Variants in FAM193A observed in about 807,000 individuals in gnomAD.
FAM193A encodes protein FAM193A.
Under a neutral mutation model 126.5 loss-of-function variants are expected in FAM193A, and 22 were observed. The ratio of observed to expected loss-of-function variants is 0.17; its 90% confidence interval spans 0.12 to 0.25. The LOEUF (loss-of-function observed/expected upper bound fraction) is 0.25, where lower values mean the gene tolerates loss of function less well. FAM193A is among the 10% of genes least tolerant of loss of function. The pLI is 1.00. For missense variants in FAM193A, 1,675 were observed against 1,672.8 expected, an observed-to-expected ratio of 1.00 and a Z score of -0.02; for synonymous variants, 761 against 646.8, an observed-to-expected ratio of 1.18 and a Z score of -2.68.
intron 10 of FAM193A, 105 bp downstream of exon 10, chr4:2,660,159 T>C: frequency 2.3e-6 from 3 of 1,287,466 alleles, no homozygotes; most frequent in Non-Finnish European, 2.1e-6. Flanking sequence ...TATTGTGCTT[T>C]TCATGACAAG....
intron 1 of FAM193A, among the ~76,000 whole-genome samples, chr4:2,567,106 ATT>A (rs570577167): frequency 8.7e-5 from 12 of 137,868 alleles, no homozygotes; most frequent in Non-Finnish European, 7.9e-5. Flanking sequence ...TGCCCGGCTC[ATT>A]TTTTTTTTTT....
chr4:2,613,765 T>C (rs1408765519), intron 2 of FAM193A, among the ~76,000 whole-genome samples: 7 of 96,196 alleles, frequency 7.3e-5, no homozygotes, highest in Non-Finnish European at 1.4e-4. Flanking sequence ...TTTTTTTTTT[T>C]TTCTTTTTCT....
intron 4 of FAM193A, among the ~76,000 whole-genome samples, chr4:2,629,853 C>T (rs1743365544): frequency 6.6e-6 from 1 of 152,078 alleles, no homozygotes; most frequent in Admixed American, 6.5e-5. Context: ...CATTATCGGC[C>T]GGGTGCGGTG....
chr4:2,565,226 A>C (rs1348407121), intron 1 of FAM193A, among the ~76,000 whole-genome samples: 1 of 147,862 alleles, frequency 6.8e-6, no homozygotes, highest in South Asian at 2.1e-4. Flanking sequence ...TTTGTGGGAA[A>C]ACTGGATATA....
intron 1 of FAM193A, among the ~76,000 whole-genome samples, chr4:2,579,709 CA>C (rs551107178): frequency 7.2e-6 from 1 of 139,596 alleles, no homozygotes; most frequent in South Asian, 2.2e-4. Context: ...AAAAACAAAA[CA>C]AAAAAAAACA....
chr4:2,696,715 T>C lies in FAM193A; in HGVS notation c.3507+122T>C, dbSNP rs956223464. 4 of 683,568 alleles carry C rather than the reference T, an allele frequency of 5.9e-6. No individual in the cohort carries two copies. In the Admixed American group the frequency reaches 1.1e-4, roughly 19 times the overall value. 42.3% of individuals were successfully genotyped at this position (683,568 alleles called of 1,614,324 possible). Reference sequence around the variant, plus strand: ...GTCGGGGCTCTGACGTGTGTTCACTTGCCCACAACTTTGTTCTGAGAGCCA... The same window carrying C: ...GTCGGGGCTCTGACGTGTGTTCACTCGCCCACAACTTTGTTCTGAGAGCCA... On this transcript the variant is annotated intron_variant, in intron 18 of 20. Transcript: ENST00000637812.
rs1361178917 is a variant in FAM193A at position 2,596,301 on chromosome 4, A to C, written c.473A>C (p.Glu158Ala). 1.4e-6 allele frequency: 1 copy of C among 702,726 alleles called. No individual in the cohort carries two copies. The highest frequency in any genetic ancestry group is 2.6e-6 in the Non-Finnish European group (1 of 385,018). 43.5% of individuals were successfully genotyped at this position (702,726 alleles called of 1,614,324 possible). The change falls in exon 2 of 21, where the codon GAG becomes GCG. Residue 158 changes from glutamate to alanine, a missense_variant. Coordinates refer to ENST00000637812, the MANE Select transcript of FAM193A (RefSeq NM_001366318.2). ...TGCCGCAGGACCGTGGAGAAGGAGGAGAGGCATGGCGGCCTTGACCAGCCA... is the reference window on the plus strand; with the variant it reads ...TGCCGCAGGACCGTGGAGAAGGAGGCGAGGCATGGCGGCCTTGACCAGCCA... The part of the protein sequence containing the change: ...PDCRRTVEKE[E>A]RHGGLDQPVS...
At chr4:2,680,328 CT>C (rs982495980) in intron 13 of FAM193A, among the ~76,000 whole-genome samples, 3 of 151,928 alleles carry the variant, frequency 2.0e-5, no homozygotes, top group Non-Finnish European at 4.4e-5. Context: ...GTAATACTTT[CT>C]TTTTTCTTTG....
chr4:2,693,533 T>G, intron 15 of FAM193A, 53 bp from the exon 16 acceptor site: 1 of 1,546,018 alleles, frequency 6.5e-7, no homozygotes, highest in Non-Finnish European at 8.8e-7. Flanking sequence ...TTTCTACAGG[T>G]TTGAACATTT....
rs925746324 is a variant in FAM193A, at chr4:2,700,064, G to C, written c.3892G>C (p.Asp1298His). The C allele has an allele frequency of 3.7e-6, 6 of 1,613,828 alleles. No homozygotes were observed. The highest frequency in any genetic ancestry group is 2.2e-5 in the East Asian group (1 of 44,866). ...PGLGADGDAA[D>H]PVDTRDSKFL... ...GCTAGGGGCTGATGGGGATGCTGCA[G>C]ACCCCGTCGACACCAGAGACTCCAA... Residue 1298 changes from aspartate (D) to histidine (H), a missense_variant, in exon 19 of 21, where the codon GAC (aspartate) becomes CAC (histidine). Asp to His is a moderately conservative substitution (Grantham distance 81). Transcript: ENST00000637812.
intron 13 of FAM193A, among the ~76,000 whole-genome samples, chr4:2,685,410 A>C (rs1715623356): frequency 6.6e-6 from 1 of 152,256 alleles, no homozygotes; most frequent in Non-Finnish European, 1.5e-5. Flanking sequence ...TTGGGCAGGT[A>C]AAGCTATGTG....
Position 2,646,770 on chromosome 4 carries a change from C to T in FAM193A, c.1249C>T (p.Arg417Cys), listed in dbSNP as rs770334968. 1.2e-5 allele frequency: 19 copies of T among 1,613,956 alleles called. No homozygotes were observed. Among genetic ancestry groups the T allele is most frequent in the East Asian group, 1.1e-4 (5 of 44,882 alleles). The change falls in exon 7 of 21, where the codon CGC (arginine) becomes TGC (cysteine). Residue 417 changes from arginine to cysteine, a missense_variant. By Grantham distance (180) the Arg-to-Cys change is radical (BLOSUM62 -3). Around this residue, in one of 4 missense-constraint regions of FAM193A, gnomAD observed 1,186 missense variants for 1,109.2 expected, o/e 1.07. Transcript: ENST00000637812. ...QRYQRSEEELRRVAEEWLECQ... is the reference protein window; with the variant it reads ...QRYQRSEEELCRVAEEWLECQ... ...GTACCAGCGTTCCGAGGAGGAGCTGCGCAGAGTCGCCGAGGAGTGGCTGGA... is the reference window on the plus strand; with the variant it reads ...GTACCAGCGTTCCGAGGAGGAGCTGTGCAGAGTCGCCGAGGAGTGGCTGGA...
At chr4:2,670,630 T>C (rs1713683178) in intron 12 of FAM193A, among the ~76,000 whole-genome samples, 1 of 152,096 alleles carries the variant, frequency 6.6e-6, no homozygotes, top group Admixed American at 6.5e-5. Context: ...TGGATAGTTT[T>C]TGTACTTTTT....
chr4:2,608,225 A>G, intron 2 of FAM193A: 6 of 1,100,200 alleles, frequency 5.5e-6, no homozygotes, highest in Non-Finnish European at 7.9e-6. Flanking sequence ...CTCGCCCAGT[A>G]TGGAGTGCAG....
At chr4:2,575,041 A>C (rs575718359) in intron 1 of FAM193A, among the ~76,000 whole-genome samples, 86 of 152,266 alleles carry the variant, frequency 5.6e-4, no homozygotes, top group African/African-American at 1.9e-3. Context: ...AATGCGTGCC[A>C]TGCTCCTCTG....
chr4:2,584,917 CTG>C (rs1238409226), intron 1 of FAM193A, among the ~76,000 whole-genome samples: 1 of 151,756 alleles, frequency 6.6e-6, no homozygotes, highest in Non-Finnish European at 1.5e-5. Flanking sequence ...GAGCAAGACT[CTG>C]TCTCAAAAAA....
At chr4:2,549,617 C>T (rs1181070723) in intron 1 of FAM193A, among the ~76,000 whole-genome samples, 1 of 150,536 alleles carries the variant, frequency 6.6e-6, no homozygotes, top group Non-Finnish European at 1.5e-5. Context: ...AGGATGGTCT[C>T]GATCTCCTGA....
intron 7 of FAM193A, among the ~76,000 whole-genome samples, chr4:2,648,858 C>T (rs974315700): frequency 2.0e-5 from 3 of 152,170 alleles, no homozygotes; most frequent in Admixed American, 1.3e-4. Flanking sequence ...AGGGCTGTGG[C>T]CGTGCAGGAG....
intron 1 of FAM193A, among the ~76,000 whole-genome samples, chr4:2,573,950 A>G (rs2108864688): frequency 6.6e-6 from 1 of 152,314 alleles, no homozygotes; most frequent in Non-Finnish European, 1.5e-5. Flanking sequence ...TTAGGTGTCC[A>G]GGTAACAAGG....
Sources: gnomAD v4.1 joint callset for allele counts (sites outside exome capture counted in the v4.1 genomes callset) on GRCh38, gnomAD v4.1.1 for gene constraint, gnomAD v4.1.1 regional missense constraint, MANE v1.5 for transcripts, NCBI Gene and HGNC (gene_info 2026-07-23, HGNC 2026-07-21) for gene names.